TBC1D5: variants seen among roughly 807,000 people sequenced by gnomAD.
The protein encoded by TBC1D5 is TBC1 domain family, member 5.
A neutral mutation model predicts 100.3 loss-of-function variants in TBC1D5; 75 were observed. That is an observed-to-expected ratio of 0.75 (90% CI 0.62 to 0.91). TBC1D5 has a LOEUF of 0.91. Ranked by LOEUF, TBC1D5 falls within the 40% of genes least tolerant of loss-of-function variation. TBC1D5 has a pLI of 0.00. For synonymous variants in TBC1D5, 323 were observed against 325.6 expected, an observed-to-expected ratio of 0.99 and a Z score of 0.09; for missense variants, 910 against 942.4, an observed-to-expected ratio of 0.97 and a Z score of 0.45.
chr3:17,725,389 ATTT>A (rs75092516), intron 1 of TBC1D5, among the ~76,000 whole-genome samples: 1 of 143,990 alleles, frequency 6.9e-6, no homozygotes. Flanking sequence ...GCGAAGAAGT[ATTT>A]TTTTTTTTTT....
chr3:17,291,582 C>G (rs141872761), intron 15 of TBC1D5, among the ~76,000 whole-genome samples: 75 of 152,298 alleles, frequency 4.9e-4, no homozygotes, highest in Middle Eastern at 3.4e-3. Context: ...AATGACAATA[C>G]AGTTTGGCTG....
Position 17,214,113 on chromosome 3 carries a change from C to T in TBC1D5, c.1752+94G>A, listed in dbSNP as rs1199029780. 9 of 1,279,942 alleles carry T rather than the reference C, an allele frequency of 7.0e-6. No individual in the cohort carries two copies. The East Asian group carries it at 1.0e-4, about 15-fold the overall frequency. 79.3% of individuals were successfully genotyped at this position (1,279,942 alleles called of 1,614,324 possible). On this transcript the variant is annotated intron_variant, in intron 18 of 21. Transcript: ENST00000253692. ...TTTTAGTCCATAAAAGTTTTAAGAG[C>T]TTTATAAAACTGGGCACTAACAGAG...
At position 17,226,060 on chromosome 3, in the gene TBC1D5, G is replaced by A. The variant is rs540939189; in HGVS notation, c.1589-11690C>T. 5.3e-5 allele frequency among the ~76,000 whole-genome samples: 8 copies of A among 151,626 alleles called. No individual in the cohort carries two copies. In the South Asian group the frequency reaches 1.7e-3, roughly 32 times the overall value. On this transcript the variant is annotated intron_variant, in intron 17 of 21. Coordinates refer to ENST00000253692, the Ensembl canonical transcript of TBC1D5. ...ACTGAGGGACAACTGTATTTCCTCT[G>A]GAGATACATAGGAAAAGCCCAGGTA...
chr3:17,158,761 C>T (rs2065798760), exon 22 of TBC1D5: 1 of 152,246 alleles, frequency 6.6e-6, no homozygotes, highest in Non-Finnish European at 1.5e-5. Context: ...CCTAGTGACT[C>T]TTGCAGGGCG....
chr3:17,459,975 T>C (rs985468743), intron 3 of TBC1D5, among the ~76,000 whole-genome samples: 3 of 152,204 alleles, frequency 2.0e-5, no homozygotes, highest in East Asian at 1.9e-4. Context: ...TACACAAAAA[T>C]AGCCTTCATG....
chr3:17,452,817 C>T (rs1400945059), intron 3 of TBC1D5, among the ~76,000 whole-genome samples: 1 of 151,900 alleles, frequency 6.6e-6, no homozygotes, highest in African/African-American at 2.4e-5. Flanking sequence ...CAAATGGACT[C>T]AACAGATATT....
At chr3:17,284,640 A>T (rs898408491) in intron 15 of TBC1D5, among the ~76,000 whole-genome samples, 1 of 152,216 alleles carries the variant, frequency 6.6e-6, no homozygotes, top group African/African-American at 2.4e-5. Context: ...CCCTAGGAAA[A>T]CCTTAAAGTA....
At chr3:17,164,343 C>T (rs2066384502) in intron 21 of TBC1D5, among the ~76,000 whole-genome samples, 1 of 152,210 alleles carries the variant, frequency 6.6e-6, no homozygotes, top group Admixed American at 6.5e-5. Flanking sequence ...TACTGATTAA[C>T]CAAGAAAGCA....
chr3:17,229,713 T>C (rs1576138333), intron 17 of TBC1D5, among the ~76,000 whole-genome samples: 2 of 152,226 alleles, frequency 1.3e-5, no homozygotes, highest in East Asian at 3.9e-4. Context: ...CTTCCCCAGG[T>C]CATCCAGCAA....
At chr3:17,646,574 G>A (rs1174279710) in intron 1 of TBC1D5, among the ~76,000 whole-genome samples, 5 of 151,838 alleles carry the variant, frequency 3.3e-5, no homozygotes, top group East Asian at 1.9e-4. Flanking sequence ...TTAATCTGTC[G>A]ATCTTTCCAT....
chr3:17,535,504 G>A (rs1488752311), intron 2 of TBC1D5, among the ~76,000 whole-genome samples: 1 of 152,064 alleles, frequency 6.6e-6, no homozygotes, highest in Admixed American at 6.6e-5. Context: ...TGTGTGCTGC[G>A]ATAGTTAAGG....
intron 4 of TBC1D5, among the ~76,000 whole-genome samples, chr3:17,418,973 T>A (rs1408071458): frequency 6.6e-6 from 1 of 152,152 alleles, no homozygotes; most frequent in Non-Finnish European, 1.5e-5. Flanking sequence ...ATTTTTCCTA[T>A]CCTTTCCAAT....
In TBC1D5 at chr3:17,378,507, C is replaced by T. The variant is rs550496497; in HGVS notation, c.613-1894G>A. 1.9e-4 allele frequency among the ~76,000 whole-genome samples: 29 copies of T among 151,932 alleles called. No individual in the cohort carries two copies. The South Asian group carries it at 6.0e-3, about 31-fold the overall frequency. On this transcript the variant is annotated intron_variant, in intron 9 of 21. Coordinates refer to ENST00000253692, the Ensembl canonical transcript of TBC1D5. The stretch of plus-strand genomic sequence containing the variant: ...TTGACCGTTTTTACTTAATAAATTG[C>T]CCTTTTTCTCCTCATGAAATGTTTC...
intron 19 of TBC1D5, among the ~76,000 whole-genome samples, chr3:17,177,094 G>A (rs1340031031): frequency 6.6e-6 from 1 of 152,088 alleles, no homozygotes; most frequent in African/African-American, 2.4e-5. Flanking sequence ...CAAAGATGAT[G>A]GACTTGGTAT....
intron 2 of TBC1D5, among the ~76,000 whole-genome samples, chr3:17,588,134 A>C (rs996506459): frequency 6.6e-6 from 1 of 152,030 alleles, no homozygotes; most frequent in Admixed American, 6.5e-5. Flanking sequence ...ACCAATTTTT[A>C]ATTTTAGGCC....
At chr3:17,433,620 G>A (rs781602463) in intron 3 of TBC1D5, among the ~76,000 whole-genome samples, 10 of 152,068 alleles carry the variant, frequency 6.6e-5, no homozygotes, top group East Asian at 1.9e-4. Context: ...TGAGATTTGG[G>A]TGGGGGCACG....
At chr3:17,641,673 C>T (rs576764427) in intron 1 of TBC1D5, among the ~76,000 whole-genome samples, 1 of 152,242 alleles carries the variant, frequency 6.6e-6, no homozygotes, top group South Asian at 2.1e-4. Context: ...ACCTATGTAA[C>T]ATTTCTCGGC....
intron 9 of TBC1D5, among the ~76,000 whole-genome samples, chr3:17,383,525 T>C (rs1453246362): frequency 5.3e-5 from 8 of 152,100 alleles, no homozygotes; most frequent in Non-Finnish European, 1.2e-4. Context: ...TTTTAAAAGG[T>C]AATAGGATAC....
intron 17 of TBC1D5, among the ~76,000 whole-genome samples, chr3:17,228,079 G>A (rs1279846773): frequency 6.6e-6 from 1 of 152,084 alleles, no homozygotes; most frequent in African/African-American, 2.4e-5. Flanking sequence ...CCAGAAAATT[G>A]AGTGAGGATT....
Sources: allele counts gnomAD v4.1 joint callset (sites outside exome capture counted in the v4.1 genomes callset), GRCh38; gene constraint gnomAD v4.1.1; transcripts MANE v1.5; gene names NCBI Gene and HGNC (gene_info 2026-07-23, HGNC 2026-07-21).